The following ZNF385D variants were observed in gnomAD, a reference collection of about 807,000 sequenced individuals.
The protein encoded by ZNF385D is zinc finger protein 385D.
In ZNF385D, 15 loss-of-function variants were observed where a neutral mutation model predicts 35.8. The observed-to-expected ratio is 0.42, with a 90% CI of 0.28 to 0.64. ZNF385D has a LOEUF of 0.64. Among genes scored for constraint, ZNF385D ranks in the 30% least tolerant of loss-of-function variants. ZNF385D has a pLI of 0.23. For missense variants in ZNF385D, 474 were observed against 494.6 expected (o/e 0.96, Z 0.39); for synonymous variants, 212 against 186.8 (o/e 1.13, Z -1.10).
intron 2 of ZNF385D, among the ~76,000 whole-genome samples, chr3:21,643,318 T>G (rs956202667): frequency 6.6e-6 from 1 of 152,002 alleles, no homozygotes; most frequent in Admixed American, 6.6e-5. Context: ...AAAGCTAGCA[T>G]TGGTTGTTAA....
At chr3:21,475,227 G>C (rs1054912045) in intron 4 of ZNF385D, among the ~76,000 whole-genome samples, 5 of 151,856 alleles carry the variant, frequency 3.3e-5, no homozygotes, top group African/African-American at 1.2e-4. Flanking sequence ...AAAAGTAAGG[G>C]TAAAACCCAC....
intron 3 of ZNF385D, among the ~76,000 whole-genome samples, chr3:22,010,437 T>A (rs1696501470): frequency 6.6e-6 from 1 of 152,222 alleles, no homozygotes; most frequent in Non-Finnish European, 1.5e-5. Flanking sequence ...CAATACCAGT[T>A]CGCCTCTAAA....
intron 3 of ZNF385D, among the ~76,000 whole-genome samples, chr3:21,946,299 T>C (rs1326673717): frequency 1.3e-5 from 2 of 152,326 alleles, no homozygotes; most frequent in East Asian, 3.9e-4. Context: ...ATTCTTTATA[T>C]ACACAAAACA....
intron 3 of ZNF385D, among the ~76,000 whole-genome samples, chr3:21,925,900 G>T (rs1368747273): frequency 1.3e-5 from 2 of 152,124 alleles, no homozygotes; most frequent in Admixed American, 1.3e-4. Flanking sequence ...TTAGTCATCT[G>T]AGAAACACAA....
intron 1 of ZNF385D, among the ~76,000 whole-genome samples, chr3:21,665,697 G>C (rs1449191637): frequency 6.6e-6 from 1 of 152,084 alleles, no homozygotes; most frequent in Admixed American, 6.6e-5. Flanking sequence ...TGTTGAGCAG[G>C]CAGTGGGAAT....
At chr3:21,781,735 TAA>T (rs1682779257) in intron 3 of ZNF385D, among the ~76,000 whole-genome samples, 1 of 152,034 alleles carries the variant, frequency 6.6e-6, no homozygotes, top group Non-Finnish European at 1.5e-5. Context: ...CTCATAATAT[TAA>T]AGAGTATAAA....
chr3:21,714,451 A>C (rs35052897), intron 1 of ZNF385D, among the ~76,000 whole-genome samples: 44,729 of 152,046 alleles, frequency 0.29, 7,084 homozygotes, highest in South Asian at 0.45. Context: ...AAGTATCATA[A>C]ATTCCCATAT....
chr3:21,716,094 C>T (rs560868772), intron 1 of ZNF385D, among the ~76,000 whole-genome samples: 1 of 152,276 alleles, frequency 6.6e-6, no homozygotes, highest in Non-Finnish European at 1.5e-5. Flanking sequence ...CTCAGCAGAT[C>T]CTGTCCACTC....
At chr3:22,247,965 A>G (rs1425355923) in intron 2 of ZNF385D, among the ~76,000 whole-genome samples, 2 of 152,168 alleles carry the variant, frequency 1.3e-5, no homozygotes, top group Non-Finnish European at 2.9e-5. Flanking sequence ...ATTTAAATCA[A>G]AAACAAGAAT....
At chr3:22,233,435 T>C (rs1273816176) in intron 2 of ZNF385D, among the ~76,000 whole-genome samples, 2 of 152,198 alleles carry the variant, frequency 1.3e-5, no homozygotes, top group South Asian at 2.1e-4. Context: ...GGAGATTAAA[T>C]TGAGAATGGT....
chr3:22,156,359 C>G (rs935450695), intron 3 of ZNF385D, among the ~76,000 whole-genome samples: 2 of 151,900 alleles, frequency 1.3e-5, no homozygotes, highest in Non-Finnish European at 2.9e-5. Flanking sequence ...AAGAGCAAGA[C>G]CAGATGCAAA....
chr3:21,962,138 G>A (rs67125873), intron 3 of ZNF385D, among the ~76,000 whole-genome samples: 38,132 of 152,042 alleles, frequency 0.25, 5,205 homozygotes, highest in East Asian at 0.32. Context: ...TAAGAGGAAG[G>A]CAACATAAAG....
At chr3:21,558,989 C>CTTTTTTT (rs55997613) in intron 3 of ZNF385D, among the ~76,000 whole-genome samples, 1 of 128,826 alleles carries the variant, frequency 7.8e-6, no homozygotes, top group Non-Finnish European at 1.6e-5. Flanking sequence ...GCAACCCCTG[C>CTTTTTTT]TTTTTTTTTT....
In ZNF385D at chr3:21,776,385, T is replaced by C. The variant is rs557721004; in HGVS notation, c.326-111357A>G. Among the ~76,000 whole-genome samples, 8 of 152,098 alleles carry C rather than the reference T, an allele frequency of 5.3e-5. No individual in the cohort carries two copies. In the East Asian group the frequency reaches 9.7e-4, roughly 18 times the overall value. Reference sequence around the variant, plus strand: ...CGTGCCAATTTACAATCACATCACATGAGCGCCGTGTGTGACGGCTCAGTT... The same window carrying C: ...CGTGCCAATTTACAATCACATCACACGAGCGCCGTGTGTGACGGCTCAGTT... On this transcript the variant is annotated intron_variant, in intron 3 of 5. Transcript: ENST00000494108.
chr3:21,971,465 A>G (rs1576043359), intron 3 of ZNF385D, among the ~76,000 whole-genome samples: 1 of 86,378 alleles, frequency 1.2e-5, no homozygotes, highest in Non-Finnish European at 3.0e-5. Context: ...ATCTCAAATC[A>G]AAAAAAATAA....
At chr3:22,085,148 A>G (rs1559356914) in intron 3 of ZNF385D, among the ~76,000 whole-genome samples, 1 of 151,976 alleles carries the variant, frequency 6.6e-6, no homozygotes, top group Non-Finnish European at 1.5e-5. Context: ...CGACACCCTA[A>G]CATCACAATT....
intron 3 of ZNF385D, among the ~76,000 whole-genome samples, chr3:21,988,800 G>T (rs1400972492): frequency 1.3e-5 from 2 of 152,096 alleles, no homozygotes; most frequent in South Asian, 2.1e-4. Flanking sequence ...ATCTCAGACT[G>T]CTGTGCTAGC....
At chr3:21,728,912 T>C (rs1048550996) in intron 1 of ZNF385D, among the ~76,000 whole-genome samples, 2 of 152,230 alleles carry the variant, frequency 1.3e-5, no homozygotes, top group Non-Finnish European at 2.9e-5. Context: ...GTAAATTATT[T>C]GAGCACAGCT....
chr3:22,046,738 C>T (rs1000932846), intron 3 of ZNF385D, among the ~76,000 whole-genome samples: 6 of 152,108 alleles, frequency 3.9e-5, no homozygotes, highest in African/African-American at 1.4e-4. Context: ...TGAGTGTCAT[C>T]TTGATCATTA....
Sources: allele counts gnomAD v4.1 joint callset (sites outside exome capture counted in the v4.1 genomes callset), GRCh38; gene constraint gnomAD v4.1.1; transcripts MANE v1.5; gene names NCBI Gene and HGNC (gene_info 2026-07-23, HGNC 2026-07-21).